ACVR2B: variants seen among roughly 807,000 people sequenced by gnomAD.
The protein encoded by ACVR2B is activin A receptor type 2B.
Under a neutral mutation model 65.1 loss-of-function variants are expected in ACVR2B, and 18 were observed. The observed-to-expected ratio is 0.28, with a 90% CI of 0.19 to 0.41. The LOEUF is 0.41. ACVR2B is among the 10% of genes least tolerant of loss of function. The pLI is 1.00. For missense variants in ACVR2B, 482 were observed against 682.7 expected (o/e 0.71, Z 3.28); for synonymous variants, 298 against 277.7 (o/e 1.07, Z -0.73).
chr3:38,484,478 G>C lies in ACVR2B; in HGVS notation c.*1146G>C, dbSNP rs1710079908. 1 of 152,228 alleles carries C rather than the reference G, an allele frequency of 6.6e-6. No homozygotes were observed. The allele number at this position is 152,228 out of a possible 1,614,324, so 9.4% of individuals were successfully genotyped here. ...GTCCTGCACCTCTGGTTCCGCCCCA[G>C]GTGGTGACATTACTGTCCCCGTTCT... On this transcript the variant is annotated 3_prime_UTR_variant, in exon 11 of 11. Transcript: ENST00000352511.
intron 1 of ACVR2B, among the ~76,000 whole-genome samples, chr3:38,473,222 CTG>C (rs1709849587): frequency 6.6e-6 from 1 of 152,158 alleles, no homozygotes. Flanking sequence ...GTTGGTTTGG[CTG>C]TGACTCAGGG....
intron 1 of ACVR2B, among the ~76,000 whole-genome samples, chr3:38,464,774 C>A (rs1298796696): frequency 1.3e-5 from 2 of 152,148 alleles, no homozygotes; most frequent in Non-Finnish European, 2.9e-5. Context: ...ATATTCTGGG[C>A]TGCTGGGTTT....
chr3:38,468,558 G>A (rs116108578), intron 1 of ACVR2B, among the ~76,000 whole-genome samples: 4,474 of 152,238 alleles, frequency 0.029, 101 homozygotes, highest in Non-Finnish European at 0.049. Flanking sequence ...ATGAGTGGTG[G>A]TGGGATCTGA....
chr3:38,467,606 C>T (rs188805439), intron 1 of ACVR2B, among the ~76,000 whole-genome samples: 179 of 151,662 alleles, frequency 1.2e-3, no homozygotes, highest in African/African-American at 3.7e-3. Context: ...AAAAATTAGC[C>T]GAGTGTGGTG....
chr3:38,456,829 A>G (rs1178465799), intron 1 of ACVR2B, among the ~76,000 whole-genome samples: 1 of 152,204 alleles, frequency 6.6e-6, no homozygotes, highest in Admixed American at 6.5e-5. Flanking sequence ...CCGTCTCCAA[A>G]TACCATTACA....
At position 38,477,465 on chromosome 3, in the gene ACVR2B, C is replaced by G; in HGVS notation, c.231C>G (p.Cys77Trp). The G allele has an allele frequency of 6.2e-7, 1 of 1,614,120 alleles. No individual in the cohort carries two copies. Among genetic ancestry groups the G allele is most frequent in the Non-Finnish European group, 8.5e-7 (1 of 1,179,982 alleles). The part of the protein sequence containing the change: ...SGTIELVKKG[C>W]WLDDFNCYDR... ...CCATCGAGCTCGTGAAGAAGGGCTG[C>G]TGGCTAGATGACTTCAACTGCTACG... The change falls in exon 2 of 11, where the codon TGC (cysteine) becomes TGG (tryptophan). Residue 77 changes from cysteine to tryptophan, a missense_variant. Coordinates refer to ENST00000352511, the MANE Select transcript of ACVR2B (RefSeq NM_001106.4). This position sits in a 1 kb window ranked among gnomAD's most constrained non-coding sequence, Gnocchi z 6.7.
At chr3:38,461,284 A>C (rs1440865054) in intron 1 of ACVR2B, among the ~76,000 whole-genome samples, 1 of 152,132 alleles carries the variant, frequency 6.6e-6, no homozygotes, top group East Asian at 1.9e-4. Context: ...ACCATGGTTT[A>C]AGAACTCTTA....
rs1021816761 is a variant in ACVR2B at position 38,488,300 on chromosome 3, T to C, written c.*4968T>C. On this transcript the variant is annotated 3_prime_UTR_variant, in exon 11 of 11. Transcript: ENST00000352511. ...ATTCAGGGTTATAAGCATAGTTCTTTAAGTAAGATTCCAGATAGTTGATTT... is the reference window on the plus strand; with the variant it reads ...ATTCAGGGTTATAAGCATAGTTCTTCAAGTAAGATTCCAGATAGTTGATTT... 4.1e-4 allele frequency: 62 copies of C among 152,350 alleles called. No homozygotes were observed. Among genetic ancestry groups the C allele is most frequent in the African/African-American group, 1.4e-3 (59 of 41,588 alleles). 9.4% of individuals were successfully genotyped at this position (152,350 alleles called of 1,614,324 possible). A position where few individuals can be genotyped will look rare whatever the true frequency, so the allele number is the denominator to read the frequency against.
intron 1 of ACVR2B, among the ~76,000 whole-genome samples, chr3:38,458,698 C>T (rs2268753): frequency 0.42 from 64,361 of 151,896 alleles, 15,903 homozygotes; most frequent in Non-Finnish European, 0.57. Context: ...TTTAGATCCA[C>T]TCACGGATAC....
At chr3:38,482,897 A>C (rs1390048901) in intron 10 of ACVR2B, among the ~76,000 whole-genome samples, 1 of 152,172 alleles carries the variant, frequency 6.6e-6, no homozygotes, top group East Asian at 1.9e-4. Context: ...GTTGAGGTTC[A>C]ATGAACCTTT....
At position 38,479,839 on chromosome 3, in the gene ACVR2B, G is replaced by A. The variant is rs996443230; in HGVS notation, c.959+13G>A. On this transcript the variant is annotated intron_variant, in intron 7 of 10. Coordinates refer to ENST00000352511, the MANE Select transcript of ACVR2B (RefSeq NM_001106.4). ...CTATTGCCCACAGGTACCTGGGTCA[G>A]CAGGTGCCTTTCCTGCACTTGACCT... 1.2e-6 allele frequency: 2 copies of A among 1,613,348 alleles called. No homozygotes were observed. Among genetic ancestry groups the A allele is most frequent in the African/African-American group, 1.3e-5 (1 of 74,924 alleles).
At chr3:38,459,212 T>G (rs775149623) in intron 1 of ACVR2B, among the ~76,000 whole-genome samples, 1 of 152,188 alleles carries the variant, frequency 6.6e-6, no homozygotes, top group Non-Finnish European at 1.5e-5. Context: ...AGATTCCTGC[T>G]TAGTGAAATC....
intron 1 of ACVR2B, among the ~76,000 whole-genome samples, chr3:38,472,035 G>GT (rs892840111): frequency 2.6e-5 from 4 of 152,120 alleles, no homozygotes; most frequent in Admixed American, 2.0e-4. Context: ...AATATTTTGG[G>GT]TTTTTTTCTC....
chr3:38,478,611 A>C, intron 5 of ACVR2B, 93 bp downstream of exon 5: 1 of 1,549,768 alleles, frequency 6.5e-7, no homozygotes, highest in South Asian at 1.1e-5. Context: ...AACCCCAAAT[A>C]ATATTGTGGT....
At position 38,481,493 on chromosome 3, in the gene ACVR2B, A is replaced by G; in HGVS notation, c.1074+28A>G. The G allele has an allele frequency of 6.3e-7, 1 of 1,585,486 alleles. No individual in the cohort carries two copies. Among genetic ancestry groups the G allele is most frequent in the South Asian group, 1.1e-5 (1 of 90,482 alleles). ...AACAGGCCTCACAGGGCAGGAAGAG[A>G]GGGACAGACCCAGGGTAGATACTTT... On this transcript the variant is annotated intron_variant, in intron 8 of 10. Transcript: ENST00000352511. This position sits in a 1 kb window ranked among gnomAD's most constrained non-coding sequence, Gnocchi z 4.7.
intron 1 of ACVR2B, among the ~76,000 whole-genome samples, chr3:38,460,800 C>T (rs1274741609): frequency 2.0e-5 from 3 of 152,334 alleles, no homozygotes; most frequent in Admixed American, 6.5e-5. Flanking sequence ...TTTTGTGAGG[C>T]GAGCTCATGC....
chr3:38,482,534 A>T lies in ACVR2B; in HGVS notation c.1318A>T (p.Ile440Phe). The change falls in exon 10 of 11, where the codon ATT becomes TTT. Residue 440 changes from isoleucine (I) to phenylalanine (F), a missense_variant. Coordinates refer to ENST00000352511, the MANE Select transcript of ACVR2B (RefSeq NM_001106.4). ...GGTGCACAAGAAGATGAGGCCCACC[A>T]TTAAAGATCACTGGTTGAAACACCC... The part of the protein sequence containing the change: ...VVVHKKMRPT[I>F]KDHWLKHPGL... 6.2e-7 allele frequency: 1 copy of T among 1,611,526 alleles called. No individual in the cohort carries two copies. Among genetic ancestry groups the T allele is most frequent in the Non-Finnish European group, 8.5e-7 (1 of 1,179,720 alleles).
intron 1 of ACVR2B, among the ~76,000 whole-genome samples, chr3:38,457,863 TGTAGCG>T (rs1348911633): frequency 1.3e-5 from 2 of 152,164 alleles, no homozygotes; most frequent in Admixed American, 6.5e-5. Context: ...TCAGGCCTAG[TGTAGCG>T]GTAGCTGCCA....
Position 38,487,381 on chromosome 3 carries a change from A to G in ACVR2B, c.*4049A>G, listed in dbSNP as rs896553995. The G allele has an allele frequency of 2.0e-5, 3 of 152,192 alleles. No individual in the cohort carries two copies. In the East Asian group the frequency reaches 5.8e-4, roughly 29 times the overall value. 9.4% of individuals were successfully genotyped at this position (152,192 alleles called of 1,614,324 possible). On this transcript the variant is annotated 3_prime_UTR_variant, in exon 11 of 11. Transcript: ENST00000352511. Reference sequence around the variant, plus strand: ...TTCCATTGCCCTAAGAGGCTAGGCTAACCCTCTTGACATAACTTAGACAGC... The same window carrying G: ...TTCCATTGCCCTAAGAGGCTAGGCTGACCCTCTTGACATAACTTAGACAGC...
Sources: gnomAD v4.1 joint callset for allele counts (sites outside exome capture counted in the v4.1 genomes callset) on GRCh38, gnomAD v4.1.1 for gene constraint, Gnocchi (gnomAD v3.1) non-coding constraint, MANE v1.5 for transcripts, NCBI Gene and HGNC (gene_info 2026-07-23, HGNC 2026-07-21) for gene names.